Variants in SEMA4C observed in about 807,000 individuals in gnomAD.
The protein encoded by SEMA4C is semaphorin-4C.
A neutral mutation model predicts 89.0 loss-of-function variants in SEMA4C; 19 were observed. The observed-to-expected ratio is 0.21, with a 90% CI of 0.15 to 0.31. SEMA4C has a LOEUF of 0.31. SEMA4C is among the 10% of genes least tolerant of loss of function. SEMA4C has a pLI of 1.00. For synonymous variants in SEMA4C, 428 were observed against 472.7 expected, an observed-to-expected ratio of 0.91 and a Z score of 1.23; for missense variants, 811 against 1,107.0, an observed-to-expected ratio of 0.73 and a Z score of 3.79.
chr2:96,870,130 G>C (rs1050394817), upstream of SEMA4C: 19 of 971,642 alleles, frequency 2.0e-5, no homozygotes, highest in Middle Eastern at 5.2e-4. Flanking sequence ...AGGCTGGGGG[G>C]GTCGAGCGGA....
chr2:96,863,120 G>T, intron 12 of SEMA4C: 2 of 401,472 alleles, frequency 5.0e-6, no homozygotes, highest in Non-Finnish European at 6.7e-6. Flanking sequence ...TGAGGCATAA[G>T]AATAGCTTCA....
rs541702862 is a variant in SEMA4C, at chr2:96,867,943, G to C, written c.-37-20C>G. On this transcript the variant is annotated intron_variant, in intron 1 of 14. Transcript: ENST00000305476. ...GCTGTCCTGCTGAGGGAAAAGACAT[G>C]GTCAGAAATCACAGCCAGAGAAAGC... 33 of 1,611,934 alleles carry C rather than the reference G, an allele frequency of 2.0e-5. No homozygotes were observed. Among genetic ancestry groups the C allele is most frequent in the Non-Finnish European group, 2.5e-5 (29 of 1,179,730 alleles).
chr2:96,861,330 G>C lies in SEMA4C; in HGVS notation c.1798C>G (p.Pro600Ala), dbSNP rs748473155. The change falls in exon 15 of 15, where the codon CCC becomes GCC. Residue 600 changes from proline to alanine, a missense_variant. Around this residue, in one of 4 missense-constraint regions of SEMA4C, gnomAD observed 441 missense variants for 664.9 expected, o/e 0.66. Transcript: ENST00000305476. This position sits in a 1 kb window ranked among gnomAD's most constrained non-coding sequence, Gnocchi z 7.8. ...CGGGCATCGTAGAGGAAGGACCCGG[G>C]CTGTTCCGCAGGCAGGTCCCGGCCC... ...FGGRDLPAEQ[P>A]GSFLYDARLQ... 4 of 1,607,168 alleles carry C rather than the reference G, an allele frequency of 2.5e-6. No homozygotes were observed. The highest frequency in any genetic ancestry group is 2.5e-6 in the Non-Finnish European group (3 of 1,179,976).
At chr2:96,867,350 C>G (rs1362262323) in intron 2 of SEMA4C, among the ~76,000 whole-genome samples, 2 of 152,176 alleles carry the variant, frequency 1.3e-5, no homozygotes, top group Non-Finnish European at 2.9e-5. Context: ...TGTGCCCCGG[C>G]AACCATGCGA....
chr2:96,869,348 C>T (rs1012365112), intron 1 of SEMA4C: 164 of 985,196 alleles, frequency 1.7e-4, no homozygotes, highest in Non-Finnish European at 1.9e-4. Flanking sequence ...TCGCCCACCC[C>T]GAGCGGCCAG....
upstream of SEMA4C, chr2:96,870,116 C>G: frequency 1.0e-6 from 1 of 969,420 alleles, no homozygotes; most frequent in Non-Finnish European, 1.2e-6. Context: ...TTCCCCTTGA[C>G]GTCAGGCTGG....
intron 12 of SEMA4C, chr2:96,862,346 G>A (rs1242601654): frequency 6.2e-6 from 1 of 162,472 alleles, no homozygotes; most frequent in African/African-American, 2.4e-5. Flanking sequence ...CATGTTCTAG[G>A]GGACAATTTT....
rs2079949507 is a variant in SEMA4C, at chr2:96,861,749, C to A, written c.1589G>T (p.Gly530Val). 6.2e-7 allele frequency: 1 copy of A among 1,613,648 alleles called. No homozygotes were observed. Reference sequence around the variant, plus strand: ...GAGCCCAACTCACCCAGAGTGGCCACCCACGGCCACACAGCGGCTGGTGTT... The same window carrying A: ...GAGCCCAACTCACCCAGAGTGGCCAACCACGGCCACACAGCGGCTGGTGTT... ...SVNTSRCVAV[G>V]GHSGSLLIQH... Residue 530 changes from glycine (G) to valine (V), a missense_variant, in exon 13 of 15, where the codon GGT (glycine) becomes GTT (valine). Around this residue, in one of 4 missense-constraint regions of SEMA4C, gnomAD observed 441 missense variants for 664.9 expected, o/e 0.66. Coordinates refer to ENST00000305476, the MANE Select transcript of SEMA4C (RefSeq NM_017789.5). The surrounding 1 kb of genome is among the most constrained non-coding windows in gnomAD (Gnocchi z 7.8).
chr2:96,863,266 C>G, intron 12 of SEMA4C: 16 of 1,014,934 alleles, frequency 1.6e-5, no homozygotes, highest in Non-Finnish European at 1.9e-5. Context: ...TTCAGGGAAA[C>G]AGTCACGGAA....
chr2:96,865,874 T>C lies in SEMA4C; in HGVS notation c.314A>G (p.Asn105Ser), dbSNP rs1252586027. The C allele has an allele frequency of 1.6e-5, 26 of 1,614,100 alleles. No homozygotes were observed. The highest frequency in any genetic ancestry group is 2.2e-5 in the Non-Finnish European group (26 of 1,180,010). Residue 105 changes from asparagine (N) to serine (S), a missense_variant, in exon 4 of 15, where the codon AAC (asparagine) becomes AGC (serine). By Grantham distance (46) the Asn-to-Ser change is conservative. This residue lies in a region of SEMA4C where 119 missense variants were observed against 152.7 expected (regional missense o/e 0.78). Transcript: ENST00000305476. ...CAGCGTCCAAGCACCCACCTGGTTGTTCTTCCCTTTCTGGATACACTCAGT... is the reference window on the plus strand; with the variant it reads ...CAGCGTCCAAGCACCCACCTGGTTGCTCTTCCCTTTCTGGATACACTCAGT... Reference protein sequence around the residue: ...KKTECIQKGKNNQTECFNFIR... With the variant: ...KKTECIQKGKSNQTECFNFIR...
In SEMA4C at chr2:96,861,554, A is replaced by C. The variant is rs2079943627; in HGVS notation, c.1672+25T>G. 6.2e-7 allele frequency: 1 copy of C among 1,600,482 alleles called. No individual in the cohort carries two copies. Among genetic ancestry groups the C allele is most frequent in the African/African-American group, 1.3e-5 (1 of 74,486 alleles). ...CAGCTCTGGTCCAGGGCTCAGCCCGATGCGACGGGAATGAAAAAGCTCACC... is the reference window on the plus strand; with the variant it reads ...CAGCTCTGGTCCAGGGCTCAGCCCGCTGCGACGGGAATGAAAAAGCTCACC... On this transcript the variant is annotated intron_variant, in intron 14 of 14. Transcript: ENST00000305476. This position sits in a 1 kb window ranked among gnomAD's most constrained non-coding sequence, Gnocchi z 7.8.
rs755656461 is a variant in SEMA4C, at chr2:96,861,430, C to G, written c.1698G>C (p.Thr566=). Reference sequence around the variant, plus strand: ...GCACCAGGTCTGTGCCCGCCACCACCGTGATGTTTTTGGGAGTGGGCCTGA... The same window carrying G: ...GCACCAGGTCTGTGCCCGCCACCACGGTGATGTTTTTGGGAGTGGGCCTGA... The part of the protein sequence containing the change: ...KKVRPTPKNI[T]VVAGTDLVLP... Residue 566 remains threonine, a synonymous_variant, in exon 15 of 15, where the codon ACG becomes ACC. Coordinates refer to ENST00000305476, the MANE Select transcript of SEMA4C (RefSeq NM_017789.5). This position sits in a 1 kb window ranked among gnomAD's most constrained non-coding sequence, Gnocchi z 7.8. 1 of 1,612,406 alleles carries G rather than the reference C, an allele frequency of 6.2e-7. No homozygotes were observed. The highest frequency in any genetic ancestry group is 1.1e-5 in the South Asian group (1 of 91,084).
In SEMA4C at chr2:96,861,277, G is replaced by C. The variant is rs1363544115; in HGVS notation, c.1851C>G (p.Ala617=). Residue 617 remains alanine, a synonymous_variant, in exon 15 of 15, where the codon GCC becomes GCG. Transcript: ENST00000305476. This position sits in a 1 kb window ranked among gnomAD's most constrained non-coding sequence, Gnocchi z 7.8. ...GGTAGGCCCCGGCATGGCGGGGCTG[G>C]GCAGCCATCACAACCAGGGCCTGGA... The part of the protein sequence containing the change: ...ARLQALVVMA[A]QPRHAGAYHC... 7.5e-6 allele frequency: 12 copies of C among 1,607,874 alleles called. No homozygotes were observed. The highest frequency in any genetic ancestry group is 1.0e-5 in the Non-Finnish European group (12 of 1,179,570).
At position 96,863,253 on chromosome 2, in the gene SEMA4C, C is replaced by T. The variant is rs191290153; in HGVS notation, c.1443+429G>A. ...GTATTGCACAAGGGTATAATGCAAG[C>T]ACTTCAGGGAAACAGTCACGGAAAT... On this transcript the variant is annotated intron_variant, in intron 12 of 14. Coordinates refer to ENST00000305476, the MANE Select transcript of SEMA4C (RefSeq NM_017789.5). The T allele has an allele frequency of 1.3e-4, 133 of 1,010,848 alleles. No homozygotes were observed. In the South Asian group the frequency reaches 1.8e-3, roughly 14 times the overall value. The allele number at this position is 1,010,848 out of a possible 1,614,324, so 62.6% of individuals were successfully genotyped here.
chr2:96,869,874 A>C lies in SEMA4C; in HGVS notation c.-38+2T>G, dbSNP rs1193926610. On this transcript the variant is annotated splice_donor_variant, in intron 1 of 14. Coordinates refer to ENST00000305476, the MANE Select transcript of SEMA4C (RefSeq NM_017789.5). LOFTEE classifies it low-confidence loss of function (5UTR_SPLICE). The stretch of plus-strand genomic sequence containing the variant: ...GCCTCACGCAAGCCCGGCCTCGCTC[A>C]CCTATTGCGCGCAGCTCCAGTCCCC... The C allele has an allele frequency of 4.1e-6, 4 of 985,430 alleles. No homozygotes were observed. Among genetic ancestry groups the C allele is most frequent in the Non-Finnish European group, 4.8e-6 (4 of 830,058 alleles). The allele number at this position is 985,430 out of a possible 1,614,324, so 61.0% of individuals were successfully genotyped here. A position where few individuals can be genotyped will look rare whatever the true frequency, so the allele number is the denominator to read the frequency against.
rs769440981 is a variant in SEMA4C, at chr2:96,864,799, A to G, written c.868T>C (p.Trp290Arg). The change falls in exon 9 of 15, where the codon TGG (tryptophan) becomes CGG (arginine). Residue 290 changes from tryptophan to arginine, a missense_variant. Physicochemically the swap from Trp to Arg is moderately radical, Grantham distance 101 (BLOSUM62 -3). Transcript: ENST00000305476. This position sits in a 1 kb window ranked among gnomAD's most constrained non-coding sequence, Gnocchi z 6.3. The part of the protein sequence containing the change: ...KARLACSAPN[W>R]QLYFNQLQAM... ...TGCAGCTGGTTGAAGTAGAGCTGCC[A>G]GTTCGGGGCAGAGCATGCCAGCCGC... is the stretch of plus-strand genomic sequence containing the variant. The G allele has an allele frequency of 5.1e-5, 83 of 1,613,780 alleles. No homozygotes were observed. The highest frequency in any genetic ancestry group is 6.9e-5 in the Non-Finnish European group (81 of 1,180,010).
intron 3 of SEMA4C, 30 bp downstream of exon 3, chr2:96,866,253 C>G: frequency 6.3e-7 from 1 of 1,586,190 alleles, no homozygotes; most frequent in South Asian, 1.1e-5. Context: ...TCTGGCAGGC[C>G]CGACTGCCTC....
rs1442051225 is a variant in SEMA4C, at chr2:96,861,017, G to A, written c.2111C>T (p.Thr704Ile). ...GGGCAGCTCCAGGGGGTACACCAAGGTCCTCTCAGTAGCCTTGGCCCCTTT... is the reference window on the plus strand; with the variant it reads ...GGGCAGCTCCAGGGGGTACACCAAGATCCTCTCAGTAGCCTTGGCCCCTTT... ...LEKGAKATER[T>I]LVYPLELPKE... Residue 704 changes from threonine (T) to isoleucine (I), a missense_variant, in exon 15 of 15, where the codon ACC (threonine) becomes ATC (isoleucine). Thr to Ile is a moderately conservative substitution (Grantham distance 89). This residue lies in a region of SEMA4C where 248 missense variants were observed against 269.0 expected (regional missense o/e 0.92). Coordinates refer to ENST00000305476, the MANE Select transcript of SEMA4C (RefSeq NM_017789.5). The surrounding 1 kb of genome is among the most constrained non-coding windows in gnomAD (Gnocchi z 7.8). 2 of 1,612,948 alleles carry A rather than the reference G, an allele frequency of 1.2e-6. No individual in the cohort carries two copies. Among genetic ancestry groups the A allele is most frequent in the Admixed American group, 3.3e-5 (2 of 60,030 alleles).
At chr2:96,868,601 GGTGGGATGGGC>G (rs577726542) in intron 1 of SEMA4C, 1 of 985,658 alleles carries the variant, frequency 1.0e-6, no homozygotes, top group East Asian at 1.1e-4. Flanking sequence ...GCAGGAAGTG[GGTGGGATGGGC>G]GTGGAAATGA....
Sources: allele counts gnomAD v4.1 joint callset (sites outside exome capture counted in the v4.1 genomes callset), GRCh38; gene constraint gnomAD v4.1.1; regional missense constraint gnomAD v4.1.1; non-coding constraint Gnocchi (gnomAD v3.1); transcripts MANE v1.5; gene names NCBI Gene and HGNC (gene_info 2026-07-23, HGNC 2026-07-21).